Variants in MYO3B observed in about 807,000 individuals in gnomAD.
MYO3B encodes myosin IIIB.
A neutral mutation model predicts 174.6 loss-of-function variants in MYO3B; 156 were observed. The ratio of observed to expected loss-of-function variants is 0.89; its 90% CI spans 0.78 to 1.02. MYO3B has a LOEUF of 1.02. Among genes scored for constraint, MYO3B ranks in the 50% least tolerant of loss-of-function variants. The pLI is 0.00. For synonymous variants in MYO3B, 563 were observed against 569.1 expected (o/e 0.99, Z 0.15); for missense variants, 1,632 against 1,639.4 (o/e 1.00, Z 0.08).
chr2:170,383,651 T>C, intron 11 of MYO3B, 59 bp from the exon 12 acceptor site: 9 of 1,281,728 alleles, frequency 7.0e-6, no homozygotes, highest in Non-Finnish European at 1.0e-5. Context: ...TCATGGGCAA[T>C]AGGTAGTGGA....
chr2:170,610,036 T>C (rs1437738185), intron 32 of MYO3B, among the ~76,000 whole-genome samples: 1 of 152,198 alleles, frequency 6.6e-6, no homozygotes, highest in Admixed American at 6.5e-5. Context: ...AATGCCCACC[T>C]CAAGAATTTT....
chr2:170,217,987 G>A (rs1380323843), intron 6 of MYO3B, among the ~76,000 whole-genome samples: 2 of 152,308 alleles, frequency 1.3e-5, no homozygotes, highest in East Asian at 3.9e-4. Flanking sequence ...AAACACCAGT[G>A]CAGTTTAGTT....
intron 25 of MYO3B, among the ~76,000 whole-genome samples, chr2:170,497,947 GAAAAAAAAAAAAAAA>G (rs55963352): frequency 1.4e-4 from 12 of 87,844 alleles, no homozygotes; most frequent in African/African-American, 4.2e-4. Flanking sequence ...TTCTGCCTCA[GAAAAAAAAAAAAAAA>G]AAAAAAAAAG....
intron 25 of MYO3B, among the ~76,000 whole-genome samples, chr2:170,469,159 G>A (rs755329209): frequency 6.6e-6 from 1 of 152,140 alleles, no homozygotes; most frequent in Non-Finnish European, 1.5e-5. Flanking sequence ...ATAGGGCTGA[G>A]TCTAATTGTT....
chr2:170,581,780 A>G lies in MYO3B; in HGVS notation c.3733+37792A>G, dbSNP rs564468388. Among the ~76,000 whole-genome samples, 4 of 152,286 alleles carry G rather than the reference A, an allele frequency of 2.6e-5. No individual in the cohort carries two copies. In the East Asian group the frequency reaches 5.8e-4, roughly 22 times the overall value. ...AACAACCTAACCTCTGATTTATTATAAAAGCTAATATTTACTGTATATACA... is the reference window on the plus strand; with the variant it reads ...AACAACCTAACCTCTGATTTATTATGAAAGCTAATATTTACTGTATATACA... On this transcript the variant is annotated intron_variant, in intron 32 of 34. Coordinates refer to ENST00000408978, the MANE Select transcript of MYO3B (RefSeq NM_138995.5).
chr2:170,593,209 C>G (rs546456634), intron 32 of MYO3B, among the ~76,000 whole-genome samples: 66 of 152,272 alleles, frequency 4.3e-4, no homozygotes, highest in Middle Eastern at 3.4e-3. Context: ...GCGATCCCCC[C>G]ACCTCAGCAT....
intron 11 of MYO3B, among the ~76,000 whole-genome samples, chr2:170,383,499 A>G (rs1407396959): frequency 6.6e-6 from 1 of 152,212 alleles, no homozygotes; most frequent in Non-Finnish European, 1.5e-5. Context: ...GAGACTTAGC[A>G]TAGAGTGAAC....
intron 9 of MYO3B, among the ~76,000 whole-genome samples, chr2:170,375,446 A>T (rs976200096): frequency 6.6e-6 from 1 of 151,888 alleles, no homozygotes; most frequent in South Asian, 2.1e-4. Context: ...GAAACCACAG[A>T]TGTTAAACCC....
At chr2:170,618,171 G>A (rs1351909023) in intron 32 of MYO3B, among the ~76,000 whole-genome samples, 1 of 152,202 alleles carries the variant, frequency 6.6e-6, no homozygotes, top group Non-Finnish European at 1.5e-5. Context: ...TCTGAAGGTT[G>A]TGCAGGACAA....
At chr2:170,370,009 A>G (rs2094228715) in intron 9 of MYO3B, among the ~76,000 whole-genome samples, 2 of 152,296 alleles carry the variant, frequency 1.3e-5, no homozygotes, top group African/African-American at 4.8e-5. Context: ...TTTTTATACA[A>G]ATGTTTATTT....
intron 1 of MYO3B, among the ~76,000 whole-genome samples, chr2:170,193,470 G>C (rs1360112343): frequency 1.3e-5 from 2 of 151,924 alleles, no homozygotes; most frequent in Non-Finnish European, 2.9e-5. Flanking sequence ...GATATCTATA[G>C]ATCTGTTTTT....
chr2:170,501,400 T>G (rs1042426103), intron 27 of MYO3B, among the ~76,000 whole-genome samples: 3 of 152,206 alleles, frequency 2.0e-5, no homozygotes, highest in Non-Finnish European at 4.4e-5. Flanking sequence ...CTATTCCAGT[T>G]CCTTTCTACC....
intron 6 of MYO3B, among the ~76,000 whole-genome samples, chr2:170,226,179 T>C (rs2092950088): frequency 6.6e-6 from 1 of 152,184 alleles, no homozygotes; most frequent in East Asian, 1.9e-4. Flanking sequence ...TGGAGATTCA[T>C]GGGACCCTGT....
chr2:170,367,588 A>G (rs561983935), intron 8 of MYO3B, among the ~76,000 whole-genome samples: 46 of 152,140 alleles, frequency 3.0e-4, no homozygotes, highest in African/African-American at 1.0e-3. Context: ...TGGGCCATAC[A>G]CCTATGTTAC....
chr2:170,481,322 G>T (rs1685674231), intron 25 of MYO3B, among the ~76,000 whole-genome samples: 1 of 152,226 alleles, frequency 6.6e-6, no homozygotes, highest in Non-Finnish European at 1.5e-5. Context: ...GCTGGGTGCA[G>T]TGGCTCGCGC....
At chr2:170,528,906 A>G (rs1689165387) in intron 30 of MYO3B, among the ~76,000 whole-genome samples, 3 of 152,338 alleles carry the variant, frequency 2.0e-5, no homozygotes, top group Admixed American at 2.0e-4. Flanking sequence ...GCTGTCAACA[A>G]TGTTGCTCTA....
intron 6 of MYO3B, among the ~76,000 whole-genome samples, chr2:170,234,146 G>T (rs2093042934): frequency 7.9e-6 from 1 of 126,864 alleles, no homozygotes; most frequent in Admixed American, 9.3e-5. Context: ...ACTCCAGCCT[G>T]GGCGACAGAG....
Position 170,335,451 on chromosome 2 carries a change from G to A in MYO3B, c.815+1G>A. 6.2e-7 allele frequency: 1 copy of A among 1,610,432 alleles called. No individual in the cohort carries two copies. The highest frequency in any genetic ancestry group is 8.5e-7 in the Non-Finnish European group (1 of 1,177,702). On this transcript the variant is annotated splice_donor_variant, in intron 8 of 34. Coordinates refer to ENST00000408978, the MANE Select transcript of MYO3B (RefSeq NM_138995.5). LOFTEE classifies it high-confidence loss of function. ...AAGAATTCAACCACTTTATTTCACA[G>A]TGAGTATTTCTTCCACTAAAAATTG...
At chr2:170,639,088 C>T (rs1203360569) in intron 32 of MYO3B, among the ~76,000 whole-genome samples, 2 of 152,174 alleles carry the variant, frequency 1.3e-5, no homozygotes, top group African/African-American at 2.4e-5. Context: ...TTAGTAAAAC[C>T]AACACTATCT....
Sources: gnomAD v4.1 joint callset for allele counts (sites outside exome capture counted in the v4.1 genomes callset) on GRCh38, gnomAD v4.1.1 for gene constraint, MANE v1.5 for transcripts, NCBI Gene and HGNC (gene_info 2026-07-23, HGNC 2026-07-21) for gene names.